Variants in BCL2L13 observed in about 807,000 individuals in gnomAD.
The protein encoded by BCL2L13 is bcl-2-like protein 13.
Under a neutral mutation model 25.8 loss-of-function variants are expected in BCL2L13, and 13 were observed. That is an observed-to-expected ratio of 0.50 (90% CI 0.33 to 0.80). The LOEUF is 0.80. Among genes scored for constraint, BCL2L13 ranks in the 30% least tolerant of loss-of-function variants. The pLI, the probability that BCL2L13 is intolerant of heterozygous loss-of-function variation, is 0.02. For synonymous variants in BCL2L13, 244 were observed against 230.3 expected (o/e 1.06, Z -0.54); for missense variants, 504 against 574.9 (o/e 0.88, Z 1.26).
intron 2 of BCL2L13, among the ~76,000 whole-genome samples, chr22:17,668,563 C>A (rs551527615): frequency 1.7e-4 from 25 of 151,384 alleles, no homozygotes; most frequent in African/African-American, 5.8e-4. Flanking sequence ...AAGCAATTCT[C>A]CTGCCTCAGC....
chr22:17,635,456 A>G (rs2058089269), upstream of BCL2L13, among the ~76,000 whole-genome samples: 1 of 152,208 alleles, frequency 6.6e-6, no homozygotes, highest in Non-Finnish European at 1.5e-5. Flanking sequence ...TAAAAGGGCT[A>G]TATTATTTTA....
At chr22:17,636,090 G>A (rs2058101258), upstream of BCL2L13, among the ~76,000 whole-genome samples, 1 of 149,444 alleles carries the variant, frequency 6.7e-6, no homozygotes, top group African/African-American at 2.6e-5. Context: ...TTGGGAGTCT[G>A]AGGTGGGTGG....
Position 17,693,376 on chromosome 22 carries a change from T to G in BCL2L13, c.387-2765T>G, listed in dbSNP as rs7284418. On this transcript the variant is annotated intron_variant, in intron 4 of 6. Transcript: ENST00000317582. Reference sequence around the variant, plus strand: ...TTATTTATTTATTTAGTGTTTGTTTTTTTTTTTTTTTTTTTTTTTTGGAGA... The same window carrying G: ...TTATTTATTTATTTAGTGTTTGTTTGTTTTTTTTTTTTTTTTTTTTGGAGA... Among the ~76,000 whole-genome samples, 679 of 76,752 alleles carry G rather than the reference T, an allele frequency of 8.8e-3. 1 individual carries two copies. Among genetic ancestry groups the G allele is most frequent in the African/African-American group, 0.015 (267 of 18,360 alleles). 50.4% of individuals were successfully genotyped at this position (76,752 alleles called of 152,430 possible).
At chr22:17,653,132 C>T (rs192392008) in intron 1 of BCL2L13, among the ~76,000 whole-genome samples, 11 of 152,216 alleles carry the variant, frequency 7.2e-5, no homozygotes, top group African/African-American at 2.6e-4. Context: ...AATGCATATT[C>T]TGTTTGCACT....
At chr22:17,631,696 A>G (rs1437775684) in intron 1 of BCL2L13, among the ~76,000 whole-genome samples, 3 of 33,226 alleles carry the variant, frequency 9.0e-5, no homozygotes, top group African/African-American at 8.2e-5. Context: ...ATATATATAT[A>G]TATATATATA....
intron 1 of BCL2L13, among the ~76,000 whole-genome samples, chr22:17,641,186 G>A (rs977802016): frequency 7.2e-5 from 11 of 152,022 alleles, no homozygotes; most frequent in African/African-American, 2.7e-4. Context: ...CACTGCGCCC[G>A]GCCTAAATAG....
intron 2 of BCL2L13, among the ~76,000 whole-genome samples, chr22:17,676,937 C>T (rs1210707212): frequency 1.3e-5 from 2 of 152,108 alleles, no homozygotes; most frequent in African/African-American, 2.4e-5. Context: ...GTAACATTTT[C>T]AAGTTTTTAT....
At chr22:17,711,304 C>CTTTTTTTTTTTTT (rs765639315) in intron 6 of BCL2L13, among the ~76,000 whole-genome samples, 1,388 of 124,868 alleles carry the variant, frequency 0.011, 98 homozygotes, top group African/African-American at 0.035. Context: ...CATGATGGGC[C>CTTTTTTTTTTTTT]TTTTTTTTTT....
At chr22:17,703,678 G>A (rs183534886) in intron 6 of BCL2L13, 2 of 152,218 alleles carry the variant, frequency 1.3e-5, no homozygotes, top group East Asian at 3.9e-4. Flanking sequence ...AACATCCTAG[G>A]TTTACGTGCT....
intron 6 of BCL2L13, among the ~76,000 whole-genome samples, chr22:17,720,158 C>CTTTCTTTCTTTCTTTCTTTCTTTCTTTCT (rs2061075734): frequency 6.8e-6 from 1 of 146,300 alleles, no homozygotes; most frequent in South Asian, 2.1e-4. Context: ...GTTTCATTTT[C>CTTTCTTTCTTTCTTTCTTTCTTTCTTTCT]TTTCTTTCTT....
At chr22:17,713,122 G>A (rs1305203750) in intron 6 of BCL2L13, among the ~76,000 whole-genome samples, 1 of 152,038 alleles carries the variant, frequency 6.6e-6, no homozygotes, top group Non-Finnish European at 1.5e-5. Context: ...AATTGTTATG[G>A]GTTGTAATGT....
At position 17,712,228 on chromosome 22, in the gene BCL2L13, T is replaced by C. The variant is rs545906639; in HGVS notation, c.600+9842T>C. Among the ~76,000 whole-genome samples, 4 of 152,300 alleles carry C rather than the reference T, an allele frequency of 2.6e-5. No individual in the cohort carries two copies. In the South Asian group the frequency reaches 8.3e-4, roughly 32 times the overall value. On this transcript the variant is annotated intron_variant, in intron 6 of 6. Coordinates refer to ENST00000317582, the MANE Select transcript of BCL2L13 (RefSeq NM_015367.4). ...GTATTGTATATTAACTTTCCCAACT[T>C]GTTCTTCATTTAACAAAAAGACTTA...
intron 1 of BCL2L13, among the ~76,000 whole-genome samples, chr22:17,649,003 C>T (rs2058587196): frequency 6.6e-6 from 1 of 151,956 alleles, no homozygotes; most frequent in Middle Eastern, 3.2e-3. Context: ...GGTATTATCA[C>T]AGGCTCACTG....
At position 17,726,758 on chromosome 22, in the gene BCL2L13, C is replaced by T. The variant is rs199666992; in HGVS notation, c.682C>T (p.Pro228Ser). The T allele has an allele frequency of 4.3e-6, 7 of 1,614,190 alleles. No homozygotes were observed. In the East Asian group the frequency reaches 1.3e-4, roughly 31 times the overall value. Residue 228 changes from proline (P) to serine (S), a missense_variant, in exon 7 of 7, where the codon CCC becomes TCC. By Grantham distance (74) the Pro-to-Ser change is moderately conservative. Coordinates refer to ENST00000317582, the MANE Select transcript of BCL2L13 (RefSeq NM_015367.4). ...AEDSNDIYIL[P>S]SDNSGQVSPP... The stretch of plus-strand genomic sequence containing the variant: ...AGATAGCAATGACATTTACATCCTG[C>T]CCAGCGACAACTCTGGACAAGTCAG...
At chr22:17,722,376 GGGGTGTGT>G (rs1446952833) in intron 6 of BCL2L13, among the ~76,000 whole-genome samples, 1,614 of 67,902 alleles carry the variant, frequency 0.024, 39 homozygotes, top group African/African-American at 0.064. Flanking sequence ...TGAGACTACA[GGGGTGTGT>G]GTGTGTGTGT....
At chr22:17,643,427 A>G (rs1018152579) in intron 1 of BCL2L13, among the ~76,000 whole-genome samples, 2 of 151,334 alleles carry the variant, frequency 1.3e-5, no homozygotes, top group Non-Finnish European at 2.9e-5. Context: ...TATTAGAATT[A>G]TTTTACTCTC....
At chr22:17,680,799 G>C (rs2059729440) in intron 2 of BCL2L13, among the ~76,000 whole-genome samples, 1 of 152,146 alleles carries the variant, frequency 6.6e-6, no homozygotes, top group Admixed American at 6.5e-5. Flanking sequence ...TGAGGCTGGT[G>C]ATTAGGATTG....
At chr22:17,706,729 G>A in intron 6 of BCL2L13, 2 of 1,351,718 alleles carry the variant, frequency 1.5e-6, no homozygotes, top group Non-Finnish European at 2.0e-6. Flanking sequence ...AGTCATCCTT[G>A]CTCCCTCCCT....
chr22:17,688,865 T>A (rs765563587), intron 3 of BCL2L13, 121 bp from the exon 4 acceptor site: 2 of 910,028 alleles, frequency 2.2e-6, no homozygotes, highest in African/African-American at 3.4e-5. Flanking sequence ...CCTCCTGGGT[T>A]CAAGTGATTC....
Sources: gnomAD v4.1 joint callset for allele counts (sites outside exome capture counted in the v4.1 genomes callset) on GRCh38, gnomAD v4.1.1 for gene constraint, MANE v1.5 for transcripts, NCBI Gene and HGNC (gene_info 2026-07-23, HGNC 2026-07-21) for gene names.